HECA: variants seen among roughly 807,000 people sequenced by gnomAD.
The protein encoded by HECA is HECA ribonucleoprotein granule regulator.
A neutral mutation model predicts 37.6 loss-of-function variants in HECA; 13 were observed. That is an observed-to-expected ratio of 0.35 (90% CI 0.23 to 0.55). HECA has a LOEUF of 0.55. Among genes scored for constraint, HECA ranks in the 20% least tolerant of loss-of-function variants. The probability of loss-of-function intolerance (pLI) is 0.90; values close to 1 mark genes in which losing one functional copy is unlikely to be tolerated. For missense variants in HECA, 527 were observed against 701.9 expected (o/e 0.75, Z 2.82); for synonymous variants, 307 against 291.5 (o/e 1.05, Z -0.54).
chr6:139,136,567 T>A (rs886857441), intron 1 of HECA, among the ~76,000 whole-genome samples: 19 of 152,092 alleles, frequency 1.2e-4, no homozygotes, highest in Admixed American at 2.0e-4. Flanking sequence ...ATTTGAATTG[T>A]TATATCTGGC....
At chr6:139,167,449 G>A in intron 2 of HECA, 125 bp downstream of exon 2, 2 of 795,726 alleles carry the variant, frequency 2.5e-6, no homozygotes, top group Non-Finnish European at 3.9e-6. Context: ...CAGGTGCTAG[G>A]TAACATTTGA....
intron 3 of HECA, among the ~76,000 whole-genome samples, chr6:139,175,721 C>T (rs1023729905): frequency 2.0e-4 from 31 of 152,262 alleles, no homozygotes; most frequent in African/African-American, 7.0e-4. Context: ...GCCATGACTG[C>T]ACCGTGTGAC....
At chr6:139,149,615 TCTG>T (rs1774627975) in intron 1 of HECA, among the ~76,000 whole-genome samples, 1 of 152,178 alleles carries the variant, frequency 6.6e-6, no homozygotes, top group Admixed American at 6.5e-5. Flanking sequence ...AAATCTGTAT[TCTG>T]CTGCTTTGGG....
At chr6:139,167,892 A>G (rs944947568) in intron 2 of HECA, among the ~76,000 whole-genome samples, 3 of 152,316 alleles carry the variant, frequency 2.0e-5, no homozygotes, top group Middle Eastern at 3.4e-3. Flanking sequence ...TGGATGGCAT[A>G]TAAGGATTTG....
chr6:139,136,167 G>T (rs1774432895), intron 1 of HECA, among the ~76,000 whole-genome samples: 1 of 151,776 alleles, frequency 6.6e-6, no homozygotes, highest in Admixed American at 6.6e-5. Context: ...AGGTGAAGAG[G>T]CCTCGAGACA....
At chr6:139,160,741 A>G (rs1774787727) in intron 1 of HECA, among the ~76,000 whole-genome samples, 1 of 152,232 alleles carries the variant, frequency 6.6e-6, no homozygotes, top group Non-Finnish European at 1.5e-5. Flanking sequence ...AAACACCTGT[A>G]TGGCATGTTC....
intron 1 of HECA, among the ~76,000 whole-genome samples, chr6:139,146,487 G>A (rs1311537446): frequency 6.6e-6 from 1 of 152,174 alleles, no homozygotes; most frequent in African/African-American, 2.4e-5. Flanking sequence ...TCTTATTAAG[G>A]TAACACACTA....
chr6:139,142,071 C>T (rs1190862868), intron 1 of HECA, among the ~76,000 whole-genome samples: 1 of 151,798 alleles, frequency 6.6e-6, no homozygotes, highest in Admixed American at 6.6e-5. Flanking sequence ...GGACTACAGG[C>T]ACCCGCCACC....
chr6:139,158,502 CA>C (rs34211036), intron 1 of HECA, among the ~76,000 whole-genome samples: 95 of 130,748 alleles, frequency 7.3e-4, no homozygotes, highest in East Asian at 1.3e-3. Context: ...GATTCCATCT[CA>C]AAAAAAAAAA....
At chr6:139,166,024 T>TC (rs1774878927) in intron 1 of HECA, 1 of 367,256 alleles carries the variant, frequency 2.7e-6, no homozygotes. Flanking sequence ...CCAGCGGCTT[T>TC]CTGGTATTCA....
At position 139,135,238 on chromosome 6, in the gene HECA, C is replaced by A. The variant is rs1182964930; in HGVS notation, c.-159C>A. The A allele has an allele frequency of 7.7e-6, 4 of 517,004 alleles. No homozygotes were observed. Among genetic ancestry groups the A allele is most frequent in the Admixed American group, 1.2e-4 (2 of 17,010 alleles). The allele number at this position is 517,004 out of a possible 1,614,324, so 32.0% of individuals were successfully genotyped here. On this transcript the variant is annotated 5_prime_UTR_variant, in exon 1 of 4. Coordinates refer to ENST00000367658, the MANE Select transcript of HECA (RefSeq NM_016217.3). ...GGAGAGGGCGCGGCGGCCAGGATGG[C>A]GCGGCACGGGCCGTGCGGCTAGACG...
chr6:139,142,514 A>AT (rs1169231712), intron 1 of HECA, among the ~76,000 whole-genome samples: 1 of 152,158 alleles, frequency 6.6e-6, no homozygotes, highest in African/African-American at 2.4e-5. Context: ...ATGCTGGAGA[A>AT]TTGCTCAGCA....
intron 1 of HECA, among the ~76,000 whole-genome samples, chr6:139,151,548 A>G (rs1387260145): frequency 2.6e-5 from 4 of 152,196 alleles, no homozygotes; most frequent in Non-Finnish European, 4.4e-5. Flanking sequence ...CATTCTTTCA[A>G]AGGAAAATCC....
At chr6:139,158,679 A>AAAG (rs1393131886) in intron 1 of HECA, among the ~76,000 whole-genome samples, 2 of 151,612 alleles carry the variant, frequency 1.3e-5, no homozygotes, top group African/African-American at 4.9e-5. Context: ...TCAAAAAAAA[A>AAAG]AAAAAAAAGA....
chr6:139,173,278 CA>C (rs1775000524), intron 2 of HECA, among the ~76,000 whole-genome samples: 1 of 152,186 alleles, frequency 6.6e-6, no homozygotes, highest in African/African-American at 2.4e-5. Context: ...TCCATTTACC[CA>C]ACATACACTT....
chr6:139,149,627 G>C (rs12215226), intron 1 of HECA, among the ~76,000 whole-genome samples: 2,315 of 152,220 alleles, frequency 0.015, 44 homozygotes, highest in Non-Finnish European at 0.019. Flanking sequence ...TGCTGCTTTG[G>C]GGGGAGCCTT....
rs1165921894 is a variant in HECA at position 139,178,347 on chromosome 6, C to A, written c.*1242C>A. On this transcript the variant is annotated 3_prime_UTR_variant, in exon 4 of 4. Transcript: ENST00000367658. The stretch of plus-strand genomic sequence containing the variant: ...GCTTTAAATAGACTGACGTCGCATA[C>A]CCTTATAGAATTGGAATATGATTTC... 2 of 152,128 alleles carry A rather than the reference C, an allele frequency of 1.3e-5. No homozygotes were observed. The highest frequency in any genetic ancestry group is 4.2e-4 in the South Asian group (2 of 4,818). The allele number at this position is 152,128 out of a possible 1,614,324, so 9.4% of individuals were successfully genotyped here. A position where few individuals can be genotyped will look rare whatever the true frequency, so the allele number is the denominator to read the frequency against.
rs1483982418 is a variant in HECA at position 139,135,507 on chromosome 6, AGCGGCGGCCGGGGGGGCCCTG to A, written c.120_140del (p.Gly41_Ala47del). 3.6e-6 allele frequency: 4 copies of A among 1,105,954 alleles called. No homozygotes were observed. The highest frequency in any genetic ancestry group is 4.5e-6 in the Non-Finnish European group (4 of 898,108). 68.5% of individuals were successfully genotyped at this position (1,105,954 alleles called of 1,614,324 possible). On this transcript the variant is annotated inframe_deletion, in exon 1 of 4. Transcript: ENST00000367658. ...CCCTGGCAGCGGCGGGCGCGGCGGG[AGCGGCGGCCGGGGGGGCCCTG>A]GCGGCGGCGGCCGGTTGCGGGGCGG...
chr6:139,140,114 A>T (rs1291966858), intron 1 of HECA, among the ~76,000 whole-genome samples: 2 of 152,202 alleles, frequency 1.3e-5, no homozygotes, highest in Non-Finnish European at 2.9e-5. Context: ...TAGGCCACTA[A>T]AGACACTTTT....
Sources: allele counts gnomAD v4.1 joint callset (sites outside exome capture counted in the v4.1 genomes callset), GRCh38; gene constraint gnomAD v4.1.1; transcripts MANE v1.5; gene names NCBI Gene and HGNC (gene_info 2026-07-23, HGNC 2026-07-21).